Variants in SGCD observed in about 807,000 individuals in gnomAD.
SGCD encodes the protein sarcoglycan delta, also known as delta-sarcoglycan.
A neutral mutation model predicts 36.6 loss-of-function variants in SGCD; 18 were observed. The observed-to-expected ratio is 0.49, with a 90% CI of 0.34 to 0.73. The LOEUF is 0.73. Ranked by LOEUF, SGCD falls within the 30% of genes least tolerant of loss-of-function variation. The probability of loss-of-function intolerance (pLI) is 0.01; values close to 1 mark genes in which losing one functional copy is unlikely to be tolerated. For synonymous variants in SGCD, 133 were observed against 130.6 expected (o/e 1.02, Z -0.12); for missense variants, 387 against 346.7 (o/e 1.12, Z -0.92).
chr5:155,804,062 ATTAGAAACTC>A, the SGCD span, among the ~76,000 whole-genome samples: 1 of 152,190 alleles, frequency 6.6e-6, no homozygotes, highest in Non-Finnish European at 1.5e-5. Context: ...TATGGAGAGG[ATTAGAAACTC>A]AGGTAGTGAG....
At chr5:156,293,838 A>C (rs1766823338) in intron 3 of SGCD, among the ~76,000 whole-genome samples, 1 of 152,180 alleles carries the variant, frequency 6.6e-6, no homozygotes, top group South Asian at 2.1e-4. Flanking sequence ...AAATTTTTCT[A>C]CTGCAAGAAA....
intron 4 of SGCD, among the ~76,000 whole-genome samples, chr5:156,541,443 T>C (rs1395312405): frequency 1.3e-5 from 2 of 152,076 alleles, no homozygotes; most frequent in African/African-American, 2.4e-5. Context: ...AATGGGATGG[T>C]GGCAGAAAAG....
At chr5:155,891,752 C>G (rs1459753965) in intron 1 of SGCD, among the ~76,000 whole-genome samples, 1 of 151,772 alleles carries the variant, frequency 6.6e-6, no homozygotes, top group African/African-American at 2.4e-5. Flanking sequence ...TGGAGAAGCC[C>G]TAGGGACTAT....
intron 3 of SGCD, among the ~76,000 whole-genome samples, chr5:156,284,409 T>C (rs1766538292): frequency 6.6e-6 from 1 of 152,126 alleles, no homozygotes; most frequent in Admixed American, 6.6e-5. Context: ...TGAACATCGA[T>C]GCAAAAATCC....
At chr5:155,746,182 A>G in the SGCD span, among the ~76,000 whole-genome samples, 7 of 152,236 alleles carry the variant, frequency 4.6e-5, no homozygotes, top group African/African-American at 1.4e-4. Flanking sequence ...CACTAACCTA[A>G]AGATGAACAT....
rs1045806956 is a variant in SGCD, at chr5:156,232,803, T to C, written c.-43-96731T>C. Among the ~76,000 whole-genome samples the C allele has an allele frequency of 3.9e-5, 6 of 152,226 alleles. No individual in the cohort carries two copies. The South Asian group carries it at 8.3e-4, about 21-fold the overall frequency. On this transcript the variant is annotated intron_variant, in intron 3 of 9. Transcript: ENST00000517913. The stretch of plus-strand genomic sequence containing the variant: ...CACAATTTACTCCATGTGTATTTAT[T>C]GAGTAATATAGTCTAGAGTTCCTGC...
chr5:156,008,380 C>A (rs913654755), intron 1 of SGCD, among the ~76,000 whole-genome samples: 2 of 152,030 alleles, frequency 1.3e-5, no homozygotes, highest in Non-Finnish European at 2.9e-5. Flanking sequence ...TCTTTCCTTT[C>A]TTTTTATTTT....
intron 3 of SGCD, among the ~76,000 whole-genome samples, chr5:156,363,516 T>A (rs972354544): frequency 8.5e-5 from 13 of 152,214 alleles, no homozygotes; most frequent in African/African-American, 3.1e-4. Context: ...GAATGACAGC[T>A]CAAATTTCAT....
Position 156,155,796 on chromosome 5 carries a change from G to T in SGCD, c.-44+31777G>T, listed in dbSNP as rs144521137. Among the ~76,000 whole-genome samples, 366 of 151,678 alleles carry T rather than the reference G, an allele frequency of 2.4e-3. 1 individual carries two copies. Among genetic ancestry groups the T allele is most frequent in the Non-Finnish European group, 3.9e-3 (266 of 68,032 alleles). On this transcript the variant is annotated intron_variant, in intron 3 of 9. Transcript: ENST00000517913. ...GTGCTCCTTGCCAGTGACTGGGAGA[G>T]TTGAGGTGTCAGTGGGCTTCCTGCC...
the SGCD span, among the ~76,000 whole-genome samples, chr5:155,780,190 C>T: frequency 3.9e-5 from 6 of 152,066 alleles, no homozygotes; most frequent in Non-Finnish European, 8.8e-5. Flanking sequence ...GGAAGATTAG[C>T]TCATTGCATG....
At chr5:156,113,321 T>G (rs536893224) in intron 1 of SGCD, among the ~76,000 whole-genome samples, 1 of 152,290 alleles carries the variant, frequency 6.6e-6, no homozygotes, top group South Asian at 2.1e-4. Context: ...AGGGAAGATT[T>G]TTTTCCTTTG....
chr5:155,748,815 G>C, the SGCD span, among the ~76,000 whole-genome samples: 1 of 152,154 alleles, frequency 6.6e-6, no homozygotes, highest in East Asian at 1.9e-4. Flanking sequence ...AATGAAGAGA[G>C]AAAAGAAATA....
chr5:156,074,116 G>T lies in SGCD; in HGVS notation c.-281-43762G>T, dbSNP rs78152276. On this transcript the variant is annotated intron_variant, in intron 1 of 9. Transcript: ENST00000517913. ...TTTCTTGAAGGCCTCAAATTGTCTG[G>T]TTTATATAAATGTTTACTTATTTAT... is the stretch of plus-strand genomic sequence containing the variant. Among the ~76,000 whole-genome samples the T allele has an allele frequency of 5.5e-3, 837 of 152,326 alleles. 6 individuals carry two copies. The highest frequency in any genetic ancestry group is 0.019 in the African/African-American group (805 of 41,576).
intron 4 of SGCD, among the ~76,000 whole-genome samples, chr5:156,583,476 G>A (rs1051031377): frequency 2.0e-5 from 3 of 152,112 alleles, no homozygotes; most frequent in African/African-American, 7.2e-5. Flanking sequence ...AGTTCAGGTT[G>A]CTATTGTTTC....
At chr5:155,943,013 C>T (rs1305575821) in intron 1 of SGCD, among the ~76,000 whole-genome samples, 1 of 152,118 alleles carries the variant, frequency 6.6e-6, no homozygotes, top group East Asian at 1.9e-4. Flanking sequence ...AAGTGAAGGA[C>T]AGAAAAGTGT....
intron 1 of SGCD, among the ~76,000 whole-genome samples, chr5:156,049,008 G>C (rs961904980): frequency 6.8e-6 from 1 of 147,022 alleles, no homozygotes; most frequent in African/African-American, 2.4e-5. Flanking sequence ...TGTATAAGGT[G>C]TAAGGAAGGG....
chr5:156,124,357 T>G (rs1762117986), intron 3 of SGCD, among the ~76,000 whole-genome samples: 1 of 152,162 alleles, frequency 6.6e-6, no homozygotes, highest in African/African-American at 2.4e-5. Flanking sequence ...ATAAAAGACT[T>G]CAGGTAACAA....
intron 3 of SGCD, among the ~76,000 whole-genome samples, chr5:156,309,436 C>T (rs139064583): frequency 0.012 from 1,795 of 151,716 alleles, 20 homozygotes; most frequent in Middle Eastern, 0.017. Context: ...CTTAAATCTG[C>T]GTTTTAAATT....
At chr5:156,457,197 A>G (rs2127812880) in intron 3 of SGCD, among the ~76,000 whole-genome samples, 1 of 152,290 alleles carries the variant, frequency 6.6e-6, no homozygotes, top group Non-Finnish European at 1.5e-5. Flanking sequence ...GAGACACCTT[A>G]TTTTCTTTAA....
Sources: gnomAD v4.1 joint callset for allele counts (sites outside exome capture counted in the v4.1 genomes callset) on GRCh38, gnomAD v4.1.1 for gene constraint, MANE v1.5 for transcripts, NCBI Gene and HGNC (gene_info 2026-07-23, HGNC 2026-07-21) for gene names.